The following SGCD variants were observed in gnomAD, a reference collection of about 807,000 sequenced individuals.
The protein encoded by SGCD is sarcoglycan delta.
SGCD carries 18 observed loss-of-function variants against 36.6 expected under a neutral mutation model. The ratio of observed to expected loss-of-function variants is 0.49; its 90% CI spans 0.34 to 0.73. The LOEUF is 0.73. Among genes scored for constraint, SGCD ranks in the 30% least tolerant of loss-of-function variants. The pLI is 0.01. For synonymous variants in SGCD, 133 were observed against 130.6 expected (o/e 1.02, Z -0.12); for missense variants, 387 against 346.7 (o/e 1.12, Z -0.92).
chr5:156,683,186 C>G (rs916039767), intron 7 of SGCD, among the ~76,000 whole-genome samples: 3 of 152,140 alleles, frequency 2.0e-5, no homozygotes, highest in Admixed American at 1.3e-4. Context: ...GCAGGAAACA[C>G]CTGAGTGTAG....
At chr5:156,713,410 CG>C (rs879815469) in intron 7 of SGCD, among the ~76,000 whole-genome samples, 16 of 144,892 alleles carry the variant, frequency 1.1e-4, no homozygotes, top group African/African-American at 4.3e-4. Context: ...TTGAACATGT[CG>C]GGGGGGGCGT....
intron 1 of SGCD, among the ~76,000 whole-genome samples, chr5:156,014,106 T>A (rs1191797449): frequency 1.3e-5 from 2 of 152,114 alleles, no homozygotes; most frequent in Non-Finnish European, 2.9e-5. Context: ...TAGAATCTCT[T>A]TTTGGGCTTT....
At chr5:155,734,018 A>G in the SGCD span, among the ~76,000 whole-genome samples, 36 of 150,734 alleles carry the variant, frequency 2.4e-4, no homozygotes, top group East Asian at 6.6e-3. Flanking sequence ...AGGTTAAGCA[A>G]TTTGGCCAGT....
At chr5:156,444,041 C>T (rs564387664) in intron 3 of SGCD, among the ~76,000 whole-genome samples, 12 of 149,046 alleles carry the variant, frequency 8.1e-5, no homozygotes, top group East Asian at 2.0e-4. Context: ...CATCCCAGCA[C>T]GCTTTGGAGA....
intron 1 of SGCD, among the ~76,000 whole-genome samples, chr5:156,055,850 C>A (rs185056507): frequency 6.9e-6 from 1 of 145,760 alleles, no homozygotes; most frequent in African/African-American, 2.5e-5. Flanking sequence ...ATAAAGCTTG[C>A]CACAATGAAA....
intron 3 of SGCD, among the ~76,000 whole-genome samples, chr5:156,136,243 C>G (rs570076002): frequency 6.6e-6 from 1 of 152,064 alleles, no homozygotes; most frequent in Non-Finnish European, 1.5e-5. Context: ...TTCCTGAGTA[C>G]CTGGGACTAC....
At chr5:156,428,658 T>C (rs1172186269) in intron 3 of SGCD, among the ~76,000 whole-genome samples, 4 of 152,124 alleles carry the variant, frequency 2.6e-5, no homozygotes, top group African/African-American at 9.6e-5. Flanking sequence ...TTCAGACTTT[T>C]GATGTACTCA....
intron 3 of SGCD, among the ~76,000 whole-genome samples, chr5:156,406,497 C>T (rs1580940569): frequency 6.6e-6 from 1 of 151,964 alleles, no homozygotes; most frequent in African/African-American, 2.4e-5. Flanking sequence ...TTTCCTATAG[C>T]CTTTTCTCCA....
At chr5:155,820,811 G>A in the SGCD span, among the ~76,000 whole-genome samples, 1 of 152,028 alleles carries the variant, frequency 6.6e-6, no homozygotes, top group Non-Finnish European at 1.5e-5. Context: ...TATTCCAAGT[G>A]ACCATCACCA....
chr5:156,494,162 T>G (rs528053322), intron 3 of SGCD, among the ~76,000 whole-genome samples: 1 of 152,208 alleles, frequency 6.6e-6, no homozygotes, highest in Admixed American at 6.5e-5. Context: ...GTTGAACATA[T>G]ACAGTGTTCC....
At chr5:156,385,433 C>A (rs1771225111) in intron 3 of SGCD, among the ~76,000 whole-genome samples, 1 of 152,138 alleles carries the variant, frequency 6.6e-6, no homozygotes, top group Admixed American at 6.5e-5. Flanking sequence ...GTGGGGGAAG[C>A]AACATAGTTC....
rs554661318 is a variant in SGCD, at chr5:156,639,432, T to G, written c.503-8032T>G. ...TTATGTATGCCTGTGTTCAGGCAAC[T>G]GAACACATGCACCTCTGTGCAGCCT... On this transcript the variant is annotated intron_variant, in intron 6 of 8. Coordinates refer to ENST00000337851, the MANE Select transcript of SGCD (RefSeq NM_000337.6). Among the ~76,000 whole-genome samples, 15 of 152,318 alleles carry G rather than the reference T, an allele frequency of 9.8e-5. No homozygotes were observed. The South Asian group carries it at 2.5e-3, about 25-fold the overall frequency.
intron 3 of SGCD, among the ~76,000 whole-genome samples, chr5:156,310,007 A>G (rs1341959063): frequency 6.6e-6 from 1 of 152,170 alleles, no homozygotes; most frequent in Non-Finnish European, 1.5e-5. Context: ...TCTCTTCCTC[A>G]GGGTTTGCTG....
intron 1 of SGCD, among the ~76,000 whole-genome samples, chr5:155,980,587 C>CAAAA: frequency 2.1e-5 from 1 of 47,218 alleles, no homozygotes; most frequent in Non-Finnish European, 3.6e-5. Context: ...GACTCCCTAT[C>CAAAA]AAAAAAAAAA....
At chr5:156,516,228 A>C (rs77461106) in intron 4 of SGCD, among the ~76,000 whole-genome samples, 6,790 of 141,952 alleles carry the variant, frequency 0.048, 231 homozygotes, top group East Asian at 0.17. Context: ...GAGACCCCCC[A>C]CACACACACC....
At chr5:155,933,129 GA>G (rs1179979126) in intron 1 of SGCD, among the ~76,000 whole-genome samples, 1 of 152,152 alleles carries the variant, frequency 6.6e-6, no homozygotes, top group African/African-American at 2.4e-5. Context: ...CTATCAGTCT[GA>G]CTTTAGTTTT....
At chr5:156,111,884 TTCTCC>T (rs1243593400) in intron 1 of SGCD, among the ~76,000 whole-genome samples, 2 of 152,054 alleles carry the variant, frequency 1.3e-5, no homozygotes, top group African/African-American at 2.4e-5. Flanking sequence ...GTTTAAGTGA[TTCTCC>T]TGCCTCAGCC....
intron 3 of SGCD, among the ~76,000 whole-genome samples, chr5:156,286,021 A>C (rs888303449): frequency 6.6e-6 from 1 of 152,232 alleles, no homozygotes; most frequent in African/African-American, 2.4e-5. Context: ...AAGGATATGA[A>C]CAGACACTTC....
chr5:156,695,461 C>T (rs539321735), intron 7 of SGCD, among the ~76,000 whole-genome samples: 1 of 150,850 alleles, frequency 6.6e-6, no homozygotes, highest in African/African-American at 2.4e-5. Flanking sequence ...AAGCCAACTC[C>T]TTAAAATAAA....
Sources: allele counts gnomAD v4.1 joint callset (sites outside exome capture counted in the v4.1 genomes callset), GRCh38; gene constraint gnomAD v4.1.1; transcripts MANE v1.5; gene names NCBI Gene and HGNC (gene_info 2026-07-23, HGNC 2026-07-21).